Variants in SYCP1 observed in about 807,000 individuals in gnomAD.
SYCP1 encodes the protein synaptonemal complex protein 1.
SYCP1 carries 64 observed loss-of-function variants against 153.1 expected under a neutral mutation model. The ratio of observed to expected loss-of-function variants is 0.42; its 90% CI spans 0.34 to 0.51. SYCP1 has a LOEUF of 0.51. SYCP1 is among the 20% of genes least tolerant of loss of function. The pLI, the probability that SYCP1 is intolerant of heterozygous loss-of-function variation, is 0.06. For missense variants in SYCP1, 997 were observed against 1,049.0 expected (o/e 0.95, Z 0.68); for synonymous variants, 384 against 341.8 (o/e 1.12, Z -1.36).
At chr1:114,974,482 C>T (rs1672688361) in intron 27 of SYCP1, among the ~76,000 whole-genome samples, 1 of 151,688 alleles carries the variant, frequency 6.6e-6, no homozygotes, top group African/African-American at 2.4e-5. Flanking sequence ...AAGTCTATAC[C>T]CATTCAACAC....
intron 8 of SYCP1, among the ~76,000 whole-genome samples, chr1:114,866,007 G>A (rs1385395099): frequency 6.6e-6 from 1 of 152,090 alleles, no homozygotes; most frequent in East Asian, 1.9e-4. Flanking sequence ...TTCATCACTT[G>A]ATAGCTCATT....
chr1:114,991,060 A>G (rs1424980632), intron 30 of SYCP1, among the ~76,000 whole-genome samples: 4 of 151,990 alleles, frequency 2.6e-5, no homozygotes, highest in African/African-American at 7.2e-5. Context: ...AGAATAAGTT[A>G]AATAATGCTT....
intron 7 of SYCP1, among the ~76,000 whole-genome samples, chr1:114,860,449 G>T (rs900743845): frequency 1.4e-4 from 22 of 152,084 alleles, no homozygotes; most frequent in Non-Finnish European, 2.6e-4. Context: ...AGCAACTTGG[G>T]TAGAAACTTG....
intron 12 of SYCP1, 92 bp downstream of exon 12, chr1:114,878,294 C>T (rs1346134967): frequency 6.1e-6 from 5 of 820,112 alleles, no homozygotes; most frequent in Middle Eastern, 2.3e-4. Flanking sequence ...TGTTGTAATG[C>T]TTTCTAGTAC....
At chr1:114,863,121 G>A (rs1664489757) in intron 8 of SYCP1, 1 of 152,168 alleles carries the variant, frequency 6.6e-6, no homozygotes, top group Non-Finnish European at 1.5e-5. Flanking sequence ...CTTTATAGTA[G>A]AATGATTTAT....
intron 27 of SYCP1, among the ~76,000 whole-genome samples, chr1:114,955,095 A>G (rs1420990267): frequency 6.6e-6 from 1 of 152,186 alleles, no homozygotes; most frequent in Admixed American, 6.5e-5. Context: ...ATTTAATTAG[A>G]GTTTTTAAAA....
intron 16 of SYCP1, among the ~76,000 whole-genome samples, chr1:114,896,994 G>T (rs1667116436): frequency 6.6e-6 from 1 of 152,208 alleles, no homozygotes; most frequent in South Asian, 2.1e-4. Context: ...CACAGGAATA[G>T]GAGGGGTCAG....
intron 12 of SYCP1, among the ~76,000 whole-genome samples, chr1:114,883,340 A>C (rs1296808694): frequency 6.6e-6 from 1 of 152,186 alleles, no homozygotes; most frequent in Non-Finnish European, 1.5e-5. Context: ...TTTCATAGCC[A>C]ATAATTCTAA....
Position 114,859,663 on chromosome 1 carries a change from A to C in SYCP1, c.457-80A>C, listed in dbSNP as rs557264435. 6.5e-6 allele frequency: 5 copies of C among 764,640 alleles called. No homozygotes were observed. The South Asian group carries it at 6.6e-5, about 10-fold the overall frequency. The allele number at this position is 764,640 out of a possible 1,614,324, so 47.4% of individuals were successfully genotyped here. On this transcript the variant is annotated intron_variant, in intron 6 of 31. Coordinates refer to ENST00000369522, the MANE Select transcript of SYCP1 (RefSeq NM_003176.4). ...TTTAGACCATTGTGTATTAGTAAAGAAATACTGCTTAATGATTATATTCGT... is the reference window on the plus strand; with the variant it reads ...TTTAGACCATTGTGTATTAGTAAAGCAATACTGCTTAATGATTATATTCGT...
intron 27 of SYCP1, among the ~76,000 whole-genome samples, chr1:114,964,687 G>A (rs1671995410): frequency 1.3e-5 from 2 of 152,270 alleles, no homozygotes; most frequent in South Asian, 4.1e-4. Flanking sequence ...GATGGTTGTA[G>A]ATGTGTGGTG....
At chr1:114,873,108 T>G (rs1665269160) in intron 8 of SYCP1, among the ~76,000 whole-genome samples, 1 of 152,250 alleles carries the variant, frequency 6.6e-6, no homozygotes, top group Admixed American at 6.5e-5. Context: ...ATAGTTGTTC[T>G]AAATTACTGG....
intron 14 of SYCP1, among the ~76,000 whole-genome samples, chr1:114,886,789 T>C (rs1245193661): frequency 6.6e-6 from 1 of 151,914 alleles, no homozygotes; most frequent in Non-Finnish European, 1.5e-5. Flanking sequence ...TATAATTAAT[T>C]ATCATTAACT....
chr1:114,936,957 T>A lies in SYCP1; in HGVS notation c.1927-7382T>A, dbSNP rs185844919. On this transcript the variant is annotated intron_variant, in intron 23 of 31. Coordinates refer to ENST00000369522, the MANE Select transcript of SYCP1 (RefSeq NM_003176.4). ...ATAGGAAGAATCAAGATCATGAAAA[T>A]GGCCATACTGCCCAAGGTAATTTAT... Among the ~76,000 whole-genome samples the A allele has an allele frequency of 6.4e-3, 971 of 152,228 alleles. 9 individuals carry two copies. Among genetic ancestry groups the A allele is most frequent in the African/African-American group, 0.022 (913 of 41,544 alleles).
At chr1:114,876,336 A>G (rs973044885) in intron 10 of SYCP1, among the ~76,000 whole-genome samples, 198 bp downstream of exon 10, 6 of 151,890 alleles carry the variant, frequency 4.0e-5, no homozygotes, top group African/African-American at 1.4e-4. Flanking sequence ...GGGTTTTAAA[A>G]CTACATCTTT....
chr1:114,857,511 C>G lies in SYCP1; in HGVS notation c.291+14C>G, dbSNP rs1324089862. ...TCTGATTTGGAGGTCAGAAGATTTC[C>G]CATTCATATTAAATTTCTTGTAATT... On this transcript the variant is annotated intron_variant, in intron 5 of 31. Coordinates refer to ENST00000369522, the MANE Select transcript of SYCP1 (RefSeq NM_003176.4). The G allele has an allele frequency of 6.4e-7, 1 of 1,573,160 alleles. No homozygotes were observed. Among genetic ancestry groups the G allele is most frequent in the African/African-American group, 1.4e-5 (1 of 73,472 alleles).
At chr1:114,949,589 A>T (rs1281086615) in intron 27 of SYCP1, among the ~76,000 whole-genome samples, 1 of 152,176 alleles carries the variant, frequency 6.6e-6, no homozygotes, top group South Asian at 2.1e-4. Flanking sequence ...ATATGCCTTG[A>T]TATGTGAGGC....
At chr1:114,862,799 T>C (rs1273393953) in intron 8 of SYCP1, 6 of 152,194 alleles carry the variant, frequency 3.9e-5, no homozygotes. Context: ...GTCTTGACAC[T>C]TGCTTTATTG....
intron 16 of SYCP1, among the ~76,000 whole-genome samples, chr1:114,899,455 C>CAT (rs1435029151): frequency 6.6e-6 from 1 of 152,214 alleles, no homozygotes; most frequent in East Asian, 1.9e-4. Flanking sequence ...GAATTCTGTA[C>CAT]ATTTCCCTTT....
In SYCP1 at chr1:114,938,617, T is replaced by A. The variant is rs187593318; in HGVS notation, c.1927-5722T>A. 6.9e-4 allele frequency among the ~76,000 whole-genome samples: 105 copies of A among 152,070 alleles called. 2 individuals are homozygous for A. The East Asian group carries it at 0.018, about 26-fold the overall frequency. On this transcript the variant is annotated intron_variant, in intron 23 of 31. Coordinates refer to ENST00000369522, the MANE Select transcript of SYCP1 (RefSeq NM_003176.4). The stretch of plus-strand genomic sequence containing the variant: ...AAATTTGATAAAGGAAAAAAAAGAA[T>A]GAGTGGAAACTATACCCTCCTCTTC...
Sources: allele counts gnomAD v4.1 joint callset (sites outside exome capture counted in the v4.1 genomes callset), GRCh38; gene constraint gnomAD v4.1.1; transcripts MANE v1.5; gene names NCBI Gene and HGNC (gene_info 2026-07-23, HGNC 2026-07-21).